RGS6: variants seen among roughly 807,000 people sequenced by gnomAD.
RGS6 encodes regulator of G protein signaling 6, also known as regulator of G-protein signaling 6.
In RGS6, 30 loss-of-function variants were observed where a neutral mutation model predicts 78.5. The ratio of observed to expected loss-of-function variants is 0.38; its 90% confidence interval spans 0.29 to 0.52. The LOEUF is 0.52. RGS6 is among the 20% of genes least tolerant of loss of function. The pLI, the probability that RGS6 is intolerant of heterozygous loss-of-function variation, is 0.85. For missense variants in RGS6, 495 were observed against 609.7 expected (o/e 0.81, Z 1.98); for synonymous variants, 206 against 206.0 (o/e 1.00, Z 0.00).
At chr14:72,344,572 T>A (rs1379143769) in intron 2 of RGS6, among the ~76,000 whole-genome samples, 4 of 152,214 alleles carry the variant, frequency 2.6e-5, no homozygotes, top group Non-Finnish European at 4.4e-5. Context: ...GAATCCAAGA[T>A]AAAGTTCTTT....
chr14:72,549,690 C>T (rs551298684), intron 17 of RGS6, among the ~76,000 whole-genome samples: 28 of 152,210 alleles, frequency 1.8e-4, no homozygotes, highest in African/African-American at 6.7e-4. Context: ...GGTGAAACCC[C>T]GTCTCTACTA....
At chr14:72,599,665 C>T in the RGS6 span, among the ~76,000 whole-genome samples, 1 of 149,322 alleles carries the variant, frequency 6.7e-6, no homozygotes, top group South Asian at 2.1e-4. Context: ...ACCTCATGAT[C>T]CGCCCATCTC....
intron 16 of RGS6, among the ~76,000 whole-genome samples, chr14:72,539,235 T>C (rs1340911069): frequency 4.6e-5 from 7 of 152,206 alleles, no homozygotes; most frequent in African/African-American, 1.7e-4. Context: ...GCTCCTGTTC[T>C]GGGAACCCCA....
intron 3 of RGS6, among the ~76,000 whole-genome samples, chr14:72,374,213 A>T (rs2084127714): frequency 6.6e-6 from 1 of 151,636 alleles, no homozygotes; most frequent in Non-Finnish European, 1.5e-5. Context: ...TATATTAGGT[A>T]TTTCTCCTAA....
intron 2 of RGS6, among the ~76,000 whole-genome samples, chr14:72,135,004 T>A (rs2096408312): frequency 6.6e-6 from 1 of 152,200 alleles, no homozygotes; most frequent in African/African-American, 2.4e-5. Flanking sequence ...GAAAGACTCA[T>A]CCAGAAATAA....
chr14:72,234,362 A>C (rs963766249), intron 2 of RGS6, among the ~76,000 whole-genome samples: 2 of 152,102 alleles, frequency 1.3e-5, no homozygotes, highest in African/African-American at 4.8e-5. Flanking sequence ...ATCTTGACTC[A>C]TAAGAGACTG....
At chr14:72,303,374 G>T (rs1050859866) in intron 2 of RGS6, among the ~76,000 whole-genome samples, 2 of 152,102 alleles carry the variant, frequency 1.3e-5, no homozygotes, top group African/African-American at 2.4e-5. Context: ...GATGGCATGT[G>T]CCTATAATCC....
In RGS6 at chr14:72,339,304, G is replaced by T. The variant is rs539979632; in HGVS notation, c.85-12791G>T. On this transcript the variant is annotated intron_variant, in intron 2 of 17. Coordinates refer to ENST00000553525, the MANE Select transcript of RGS6 (RefSeq NM_001204424.2). ...CACATGGAAAGTGCCGTTTAAGAAAGCAGAACAAGCCCTCACCAGACACCA... is the reference window on the plus strand; with the variant it reads ...CACATGGAAAGTGCCGTTTAAGAAATCAGAACAAGCCCTCACCAGACACCA... Among the ~76,000 whole-genome samples the T allele has an allele frequency of 7.9e-5, 12 of 152,292 alleles. No homozygotes were observed. The South Asian group carries it at 2.5e-3, about 32-fold the overall frequency.
At chr14:72,510,043 T>C (rs1284989908) in intron 13 of RGS6, 111 bp from the exon 14 acceptor site, 2 of 1,235,692 alleles carry the variant, frequency 1.6e-6, no homozygotes, top group Admixed American at 5.2e-5. Context: ...AAATATGAGA[T>C]GTTTCCCTTT....
chr14:72,060,625 A>C (rs890044814), intron 2 of RGS6, among the ~76,000 whole-genome samples: 2 of 152,186 alleles, frequency 1.3e-5, no homozygotes, highest in African/African-American at 4.8e-5. Context: ...ATTTAAATAG[A>C]CTGAATGCAG....
At chr14:72,592,026 A>G in the RGS6 span, among the ~76,000 whole-genome samples, 1 of 152,224 alleles carries the variant, frequency 6.6e-6, no homozygotes, top group East Asian at 1.9e-4. Context: ...CAAAATGTCC[A>G]AGACAAAGAT....
rs184670138 is a variant in RGS6 at position 72,290,537 on chromosome 14, T to C, written c.85-61558T>C. On this transcript the variant is annotated intron_variant, in intron 2 of 17. Coordinates refer to ENST00000553525, the MANE Select transcript of RGS6 (RefSeq NM_001204424.2). Reference sequence around the variant, plus strand: ...GTCCTTGGTGAGTAAACCCCTTTATTGAGTCTCGGACTTTAAGAAGTTCTT... The same window carrying C: ...GTCCTTGGTGAGTAAACCCCTTTATCGAGTCTCGGACTTTAAGAAGTTCTT... Among the ~76,000 whole-genome samples, 7 of 152,308 alleles carry C rather than the reference T, an allele frequency of 4.6e-5. No homozygotes were observed. In the East Asian group the frequency reaches 1.3e-3, roughly 29 times the overall value.
intron 2 of RGS6, among the ~76,000 whole-genome samples, chr14:72,149,072 C>G (rs1023492011): frequency 9.9e-5 from 15 of 152,174 alleles, no homozygotes; most frequent in African/African-American, 3.6e-4. Flanking sequence ...ACAGCTTGCT[C>G]ACTCAAATGT....
intron 3 of RGS6, among the ~76,000 whole-genome samples, chr14:72,426,034 ACT>A (rs2094421566): frequency 6.6e-6 from 1 of 152,116 alleles, no homozygotes; most frequent in Admixed American, 6.5e-5. Context: ...GTTAAAATAA[ACT>A]CTTTTAACAA....
intron 3 of RGS6, among the ~76,000 whole-genome samples, chr14:72,356,139 T>C (rs1201482928): frequency 2.0e-5 from 3 of 152,180 alleles, no homozygotes; most frequent in Non-Finnish European, 1.5e-5. Context: ...CTAGGTGATA[T>C]GGTTTCACTC....
intron 3 of RGS6, among the ~76,000 whole-genome samples, chr14:72,452,585 GC>G (rs2095524314): frequency 6.6e-6 from 1 of 152,228 alleles, no homozygotes; most frequent in Admixed American, 6.5e-5. Flanking sequence ...TCCTCATGAA[GC>G]CCCTCTGCTG....
intron 3 of RGS6, among the ~76,000 whole-genome samples, chr14:72,367,143 T>C (rs2082594376): frequency 1.3e-5 from 2 of 152,202 alleles, no homozygotes; most frequent in South Asian, 4.1e-4. Flanking sequence ...ACTGTTCCCA[T>C]GATCTCATGC....
intron 3 of RGS6, among the ~76,000 whole-genome samples, chr14:72,423,130 G>A (rs28652835): frequency 0.023 from 3,563 of 152,312 alleles, 147 homozygotes; most frequent in African/African-American, 0.08. Flanking sequence ...TTTGTGAAGA[G>A]GGCCATCCCC....
intron 2 of RGS6, among the ~76,000 whole-genome samples, chr14:72,225,620 C>A (rs117233019): frequency 1.3e-5 from 2 of 152,118 alleles, no homozygotes; most frequent in Admixed American, 1.3e-4. Context: ...TGAGCCACCA[C>A]GCCCAGCCAA....
Sources: gnomAD v4.1 joint callset for allele counts (sites outside exome capture counted in the v4.1 genomes callset) on GRCh38, gnomAD v4.1.1 for gene constraint, MANE v1.5 for transcripts, NCBI Gene and HGNC (gene_info 2026-07-23, HGNC 2026-07-21) for gene names.